Variants in LRP1B observed in about 807,000 individuals in gnomAD.
LRP1B encodes LDL receptor related protein 1B, also known as low-density lipoprotein receptor-related protein 1B.
LRP1B carries 217 observed loss-of-function variants against 556.6 expected under a neutral mutation model. The ratio of observed to expected loss-of-function variants is 0.39; its 90% CI spans 0.35 to 0.44. LRP1B has a LOEUF of 0.44. Ranked by LOEUF, LRP1B falls within the 20% of genes least tolerant of loss-of-function variation. The pLI is 1.00. For synonymous variants in LRP1B, 2,047 were observed against 1,865.8 expected (o/e 1.10, Z -2.50); for missense variants, 5,053 against 5,620.8 (o/e 0.90, Z 3.23).
At chr2:140,840,724 G>T (rs961458385) in intron 30 of LRP1B, among the ~76,000 whole-genome samples, 194 bp downstream of exon 30, 1 of 152,050 alleles carries the variant, frequency 6.6e-6, no homozygotes, top group African/African-American at 2.4e-5. Flanking sequence ...ATATATGTTG[G>T]TGTAGGATAT....
At chr2:140,575,656 G>A (rs886391515) in intron 43 of LRP1B, among the ~76,000 whole-genome samples, 5 of 152,100 alleles carry the variant, frequency 3.3e-5, no homozygotes, top group African/African-American at 1.2e-4. Context: ...GGGCGCTGTG[G>A]TTCATGCCTG....
intron 2 of LRP1B, among the ~76,000 whole-genome samples, chr2:141,708,717 G>A (rs1238610870): frequency 2.0e-5 from 3 of 152,068 alleles, no homozygotes; most frequent in Non-Finnish European, 2.9e-5. Context: ...TGGACATAGG[G>A]TCTTTAAAGA....
intron 2 of LRP1B, among the ~76,000 whole-genome samples, chr2:141,524,263 A>AATATATATATATATATATATATATAT (rs76874852): frequency 6.1e-5 from 9 of 148,048 alleles, no homozygotes; most frequent in African/African-American, 2.0e-4. Context: ...ATAAGCAAAG[A>AATATATATATATATATATATATATAT]ATATATATAT....
At chr2:140,448,365 T>C (rs754533063) in intron 63 of LRP1B, among the ~76,000 whole-genome samples, 6 of 152,126 alleles carry the variant, frequency 3.9e-5, no homozygotes, top group Non-Finnish European at 5.9e-5. Flanking sequence ...ACAGTGTCCA[T>C]CAATGGATGA....
At chr2:141,373,719 G>A (rs764578375) in intron 3 of LRP1B, among the ~76,000 whole-genome samples, 49 of 151,870 alleles carry the variant, frequency 3.2e-4, no homozygotes, top group Non-Finnish European at 6.2e-4. Context: ...GTCTATATGT[G>A]TCTTTATGAG....
chr2:140,381,412 T>C (rs1683481067), intron 67 of LRP1B, among the ~76,000 whole-genome samples: 1 of 152,152 alleles, frequency 6.6e-6, no homozygotes, highest in African/African-American at 2.4e-5. Flanking sequence ...ATATTGCCTA[T>C]ATCCCTGGAC....
chr2:141,668,073 A>G (rs1027266696), intron 2 of LRP1B, among the ~76,000 whole-genome samples: 12 of 152,222 alleles, frequency 7.9e-5, no homozygotes, highest in Admixed American at 4.6e-4. Context: ...CCCATTTCCA[A>G]TAAGCAATCA....
chr2:140,834,096 A>G (rs184957854), intron 31 of LRP1B, among the ~76,000 whole-genome samples: 14 of 152,330 alleles, frequency 9.2e-5, no homozygotes, highest in Non-Finnish European at 8.8e-5. Context: ...GGCTCTTCAA[A>G]CAACTTCCCC....
At chr2:140,377,177 G>A (rs1412747838) in intron 68 of LRP1B, among the ~76,000 whole-genome samples, 1 of 152,158 alleles carries the variant, frequency 6.6e-6, no homozygotes, top group Non-Finnish European at 1.5e-5. Context: ...CCAGGTTCAA[G>A]CGATTCCCCT....
intron 1 of LRP1B, among the ~76,000 whole-genome samples, chr2:141,897,666 G>C (rs906524515): frequency 1.0e-3 from 158 of 152,228 alleles, no homozygotes; most frequent in African/African-American, 3.6e-3. Flanking sequence ...GTGCCATTAG[G>C]AAGTTTGACT....
intron 32 of LRP1B, among the ~76,000 whole-genome samples, chr2:140,777,078 T>C (rs1689525545): frequency 6.6e-6 from 1 of 152,144 alleles, no homozygotes; most frequent in African/African-American, 2.4e-5. Context: ...TTTAAGGCAA[T>C]GCAGTAATTT....
At chr2:141,940,502 T>C (rs748153509) in intron 1 of LRP1B, among the ~76,000 whole-genome samples, 10 of 152,148 alleles carry the variant, frequency 6.6e-5, no homozygotes, top group Non-Finnish European at 1.3e-4. Context: ...TGTGACTTCT[T>C]AATGAAATGT....
intron 1 of LRP1B, among the ~76,000 whole-genome samples, chr2:142,031,374 T>C (rs1703702131): frequency 8.3e-6 from 1 of 120,998 alleles, no homozygotes; most frequent in African/African-American, 2.9e-5. Flanking sequence ...TTAGGGTACA[T>C]GTGCACATTG....
rs576290851 is a variant in LRP1B at position 141,694,498 on chromosome 2, C to T, written c.205+115781G>A. ...ATCCCAACAATCACTCTTATTTTAT[C>T]GATAGGGAAATTAAATCCCATGGCT... On this transcript the variant is annotated intron_variant, in intron 2 of 90. Transcript: ENST00000389484. Among the ~76,000 whole-genome samples, 147 of 152,012 alleles carry T rather than the reference C, an allele frequency of 9.7e-4. 1 individual carries two copies. Among genetic ancestry groups the T allele is most frequent in the African/African-American group, 2.0e-3 (81 of 41,504 alleles).
intron 3 of LRP1B, among the ~76,000 whole-genome samples, chr2:141,264,914 T>A (rs956606015): frequency 2.0e-4 from 31 of 152,184 alleles, no homozygotes; most frequent in African/African-American, 6.0e-4. Flanking sequence ...CCATCAACCT[T>A]GGAAGAGCTG....
chr2:140,607,150 C>T (rs1682896579), intron 41 of LRP1B, among the ~76,000 whole-genome samples: 2 of 151,900 alleles, frequency 1.3e-5, no homozygotes, highest in South Asian at 2.1e-4. Context: ...AATATTTCTC[C>T]AAAGAAGATA....
chr2:141,107,347 A>C, intron 7 of LRP1B, among the ~76,000 whole-genome samples: 1 of 152,144 alleles, frequency 6.6e-6, no homozygotes, highest in Non-Finnish European at 1.5e-5. Flanking sequence ...ATTAAAAAAA[A>C]CTTGGAAGAC....
At chr2:140,475,754 T>C (rs1288679786) in intron 59 of LRP1B, among the ~76,000 whole-genome samples, 1 of 151,812 alleles carries the variant, frequency 6.6e-6, no homozygotes. Flanking sequence ...AGGTGCACAT[T>C]TTATTTCCTT....
chr2:141,707,972 T>C (rs1386952023), intron 2 of LRP1B, among the ~76,000 whole-genome samples: 1 of 152,198 alleles, frequency 6.6e-6, no homozygotes, highest in Non-Finnish European at 1.5e-5. Flanking sequence ...TATAGCATCT[T>C]TGTGTTGCTT....
Sources: allele counts gnomAD v4.1 joint callset (sites outside exome capture counted in the v4.1 genomes callset), GRCh38; gene constraint gnomAD v4.1.1; transcripts MANE v1.5; gene names NCBI Gene and HGNC (gene_info 2026-07-23, HGNC 2026-07-21).